Variants in PELI2 observed in about 807,000 individuals in gnomAD.
The protein encoded by PELI2 is E3 ubiquitin-protein ligase pellino homolog 2.
Under a neutral mutation model 42.3 loss-of-function variants are expected in PELI2, and 23 were observed. The observed-to-expected ratio is 0.54, with a 90% confidence interval of 0.39 to 0.77. The LOEUF is 0.77. PELI2 is among the 30% of genes least tolerant of loss of function. The pLI is 0.00. For missense variants in PELI2, 463 were observed against 553.2 expected (o/e 0.84, Z 1.64); for synonymous variants, 245 against 212.2 (o/e 1.15, Z -1.34).
intron 2 of PELI2, among the ~76,000 whole-genome samples, chr14:56,203,034 TTTGGAAAG>T (rs1339729181): frequency 3.9e-5 from 6 of 152,146 alleles, no homozygotes; most frequent in African/African-American, 7.2e-5. Context: ...TTTAAAACAA[TTTGGAAAG>T]TTGAAATATG....
intron 3 of PELI2, among the ~76,000 whole-genome samples, chr14:56,283,489 C>G (rs1221209826): frequency 3.3e-5 from 5 of 152,176 alleles, no homozygotes; most frequent in African/African-American, 1.2e-4. Context: ...CAGTTAACGT[C>G]TTTGTATTAT....
At chr14:56,217,954 CT>C (rs1261041953) in intron 2 of PELI2, among the ~76,000 whole-genome samples, 2 of 152,214 alleles carry the variant, frequency 1.3e-5, no homozygotes, top group African/African-American at 2.4e-5. Context: ...AAGCACTCTG[CT>C]AACTACTTTT....
At position 56,197,671 on chromosome 14, in the gene PELI2, T is replaced by C. The variant is rs1288273239; in HGVS notation, c.207+19207T>C. Among the ~76,000 whole-genome samples, 4 of 152,206 alleles carry C rather than the reference T, an allele frequency of 2.6e-5. No homozygotes were observed. Among genetic ancestry groups the C allele is most frequent in the East Asian group, 1.9e-4 (1 of 5,196 alleles). On this transcript the variant is annotated intron_variant, in intron 2 of 5. Transcript: ENST00000267460. This position sits in a 1 kb window ranked among gnomAD's most constrained non-coding sequence, Gnocchi z 4.9. ...TGCCTAGATTTGTGGTCAGGTGTTA[T>C]TCTCAATGTTTCTGTGAAGGTGTTT...
intron 2 of PELI2, among the ~76,000 whole-genome samples, chr14:56,216,646 AC>A (rs1426027310): frequency 6.6e-6 from 1 of 152,236 alleles, no homozygotes; most frequent in Admixed American, 6.5e-5. Context: ...GTGGTTATAA[AC>A]TGATGGCAAT....
chr14:56,259,373 A>G (rs1888638278), intron 2 of PELI2, among the ~76,000 whole-genome samples: 1 of 152,132 alleles, frequency 6.6e-6, no homozygotes, highest in African/African-American at 2.4e-5. Flanking sequence ...TTTAAGCCAA[A>G]TTAATAATAA....
intron 2 of PELI2, among the ~76,000 whole-genome samples, chr14:56,203,499 A>G (rs142524645): frequency 5.3e-4 from 80 of 152,198 alleles, no homozygotes; most frequent in African/African-American, 1.9e-3. Context: ...TGTCTTCTGT[A>G]TCTGTAGACT....
chr14:56,235,837 G>A (rs1038401221), intron 2 of PELI2, among the ~76,000 whole-genome samples: 1 of 152,210 alleles, frequency 6.6e-6, no homozygotes, highest in South Asian at 2.1e-4. Context: ...GGAAGACAGG[G>A]AAGAGAAGGG....
chr14:56,170,747 C>T (rs990845211), intron 1 of PELI2, among the ~76,000 whole-genome samples: 1 of 152,158 alleles, frequency 6.6e-6, no homozygotes, highest in East Asian at 1.9e-4. Context: ...CCCTTTATTA[C>T]TTGGTTAAGT....
chr14:56,194,922 T>G (rs1282987576), intron 2 of PELI2, among the ~76,000 whole-genome samples: 2 of 152,218 alleles, frequency 1.3e-5, no homozygotes, highest in African/African-American at 4.8e-5. Flanking sequence ...GTGTTGATGC[T>G]TTGGATTCAA....
chr14:56,210,621 C>T (rs937704822), intron 2 of PELI2, among the ~76,000 whole-genome samples: 1 of 152,074 alleles, frequency 6.6e-6, no homozygotes, highest in Non-Finnish European at 1.5e-5. Flanking sequence ...TGTGATGAGA[C>T]CCAGAAAATG....
At position 56,227,031 on chromosome 14, in the gene PELI2, T is replaced by A. The variant is rs1594659094; in HGVS notation, c.207+48567T>A. Reference sequence around the variant, plus strand: ...TAAAAGTTTAAATGTCTGTGGCAATTTTCAGGAATGTGTCTATTATACAAA... The same window carrying A: ...TAAAAGTTTAAATGTCTGTGGCAATATTCAGGAATGTGTCTATTATACAAA... On this transcript the variant is annotated intron_variant, in intron 2 of 5. Transcript: ENST00000267460. Among the ~76,000 whole-genome samples the A allele has an allele frequency of 4.6e-5, 7 of 152,216 alleles. No homozygotes were observed. In the South Asian group the frequency reaches 1.4e-3, roughly 31 times the overall value.
At chr14:56,147,549 T>A (rs1884174180) in intron 1 of PELI2, among the ~76,000 whole-genome samples, 1 of 152,248 alleles carries the variant, frequency 6.6e-6, no homozygotes. Context: ...GAATGGCATT[T>A]TGAGGATATA....
chr14:56,246,202 T>G (rs2139804996), intron 2 of PELI2, among the ~76,000 whole-genome samples: 1 of 152,306 alleles, frequency 6.6e-6, no homozygotes, highest in South Asian at 2.1e-4. Flanking sequence ...TTGTAAAGTT[T>G]GCTATGACTT....
intron 1 of PELI2, chr14:56,119,639 C>G (rs1213227746): frequency 1.6e-5 from 5 of 318,658 alleles, no homozygotes; most frequent in Non-Finnish European, 2.3e-5. Context: ...ATTGTTTACC[C>G]TTAATAAGCC....
chr14:56,181,840 A>ATG (rs3042510), intron 2 of PELI2, among the ~76,000 whole-genome samples: 16,825 of 148,274 alleles, frequency 0.11, 1,098 homozygotes, highest in South Asian at 0.24. Context: ...TGATTATGTA[A>ATG]TGTGTGTGTG....
intron 2 of PELI2, among the ~76,000 whole-genome samples, chr14:56,242,801 A>G (rs971225544): frequency 6.6e-6 from 1 of 152,176 alleles, no homozygotes; most frequent in Non-Finnish European, 1.5e-5. Context: ...GAGCTAAACT[A>G]TGAGGACCCA....
At chr14:56,138,189 G>A (rs965732043) in intron 1 of PELI2, among the ~76,000 whole-genome samples, 1 of 152,218 alleles carries the variant, frequency 6.6e-6, no homozygotes, top group African/African-American at 2.4e-5. Flanking sequence ...CTTTCTCTAA[G>A]AAATGGCTGT....
At chr14:56,217,828 C>T (rs1281616350) in intron 2 of PELI2, among the ~76,000 whole-genome samples, 1 of 152,162 alleles carries the variant, frequency 6.6e-6, no homozygotes, top group Non-Finnish European at 1.5e-5. Flanking sequence ...CTTCTGCCTG[C>T]TCCATACAGT....
At chr14:56,270,066 C>T (rs1889045674) in intron 2 of PELI2, among the ~76,000 whole-genome samples, 1 of 152,160 alleles carries the variant, frequency 6.6e-6, no homozygotes, top group African/African-American at 2.4e-5. Context: ...GCGTGCCTGC[C>T]CCAGCCCTGT....
Sources: gnomAD v4.1 joint callset for allele counts (sites outside exome capture counted in the v4.1 genomes callset) on GRCh38, gnomAD v4.1.1 for gene constraint, Gnocchi (gnomAD v3.1) non-coding constraint, MANE v1.5 for transcripts, NCBI Gene and HGNC (gene_info 2026-07-23, HGNC 2026-07-21) for gene names.